The following ENPP3 variants were observed in gnomAD, a reference collection of about 807,000 sequenced individuals.
ENPP3 encodes ectonucleotide pyrophosphatase/phosphodiesterase 3.
In ENPP3, 104 loss-of-function variants were observed where a neutral mutation model predicts 117.8. That is an observed-to-expected ratio of 0.88 (90% CI 0.75 to 1.04). ENPP3 has a LOEUF of 1.04. Among genes scored for constraint, ENPP3 ranks in the 50% least tolerant of loss-of-function variants. The pLI, the probability that ENPP3 is intolerant of heterozygous loss-of-function variation, is 0.00. For missense variants in ENPP3, 1,026 were observed against 1,051.9 expected (o/e 0.98, Z 0.34); for synonymous variants, 380 against 349.9 (o/e 1.09, Z -0.96).
At chr6:131,668,343 G>T (rs1366403101) in intron 6 of ENPP3, among the ~76,000 whole-genome samples, 1 of 150,964 alleles carries the variant, frequency 6.6e-6, no homozygotes, top group Non-Finnish European at 1.5e-5. Context: ...CCCCCCTGAG[G>T]ATCTGGGATT....
At position 131,674,154 on chromosome 6, in the gene ENPP3, C is replaced by T; in HGVS notation, c.643-8C>T. 6.7e-7 allele frequency: 1 copy of T among 1,482,618 alleles called. No individual in the cohort carries two copies. Among genetic ancestry groups the T allele is most frequent in the Admixed American group, 1.8e-5 (1 of 54,990 alleles). The allele number at this position is 1,482,618 out of a possible 1,614,324, so 91.8% of individuals were successfully genotyped here. On this transcript the variant is annotated splice_region_variant and splice_polypyrimidine_tract_variant and intron_variant, in intron 7 of 24. Coordinates refer to ENST00000357639, the MANE Select transcript of ENPP3 (RefSeq NM_005021.5). ...TATCTTACATCTTTTTTGAAATTAT[C>T]ATTTTAGGGCTTGTATCCAGAGTCA...
At chr6:131,668,700 C>T (rs985124837) in intron 6 of ENPP3, among the ~76,000 whole-genome samples, 6 of 152,034 alleles carry the variant, frequency 3.9e-5, no homozygotes, top group African/African-American at 9.7e-5. Flanking sequence ...AAAATACACA[C>T]GTAAACATTT....
chr6:131,690,794 T>C (rs1286155580), intron 14 of ENPP3, among the ~76,000 whole-genome samples: 2 of 151,948 alleles, frequency 1.3e-5, no homozygotes, highest in Non-Finnish European at 2.9e-5. Context: ...CCTTCTAGTA[T>C]GCCGATCTTG....
intron 21 of ENPP3, among the ~76,000 whole-genome samples, chr6:131,734,149 A>G (rs1048369716): frequency 6.6e-6 from 1 of 152,288 alleles, no homozygotes; most frequent in East Asian, 1.9e-4. Flanking sequence ...GATACAGAGA[A>G]GGTCACCTAG....
chr6:131,644,922 A>C (rs1778124003), intron 2 of ENPP3, among the ~76,000 whole-genome samples: 1 of 152,226 alleles, frequency 6.6e-6, no homozygotes. Flanking sequence ...AGGTTTTATA[A>C]GGGGAGAGTG....
intron 9 of ENPP3, among the ~76,000 whole-genome samples, chr6:131,676,154 CTCTGTTGAA>C (rs1236951082): frequency 6.6e-6 from 1 of 152,032 alleles, no homozygotes; most frequent in Non-Finnish European, 1.5e-5. Flanking sequence ...TGCCTTCCAG[CTCTGTTGAA>C]AAATTACCTT....
chr6:131,685,435 A>C lies in ENPP3; in HGVS notation c.1192A>C (p.Met398Leu). 1.9e-6 allele frequency: 3 copies of C among 1,613,962 alleles called. No individual in the cohort carries two copies. The highest frequency in any genetic ancestry group is 2.5e-6 in the Non-Finnish European group (3 of 1,179,830). The part of the protein sequence containing the change: ...DYFPRINFFY[M>L]YEGPAPRIRA... ...TTTTCCCAGAATAAACTTCTTCTAC[A>C]TGTACGAAGGGCCTGCCCCCCGCAT... The change falls in exon 13 of 25, where the codon ATG becomes CTG. Residue 398 changes from methionine (M) to leucine (L), a missense_variant. Transcript: ENST00000357639.
At chr6:131,731,356 A>G (rs958016559) in intron 20 of ENPP3, among the ~76,000 whole-genome samples, 6 of 152,188 alleles carry the variant, frequency 3.9e-5, no homozygotes, top group Non-Finnish European at 7.3e-5. Context: ...TTTGTTGAGG[A>G]CTCCAAACTG....
chr6:131,638,203 T>C (rs1027124334), intron 1 of ENPP3, among the ~76,000 whole-genome samples: 20 of 152,252 alleles, frequency 1.3e-4, no homozygotes, highest in Admixed American at 9.8e-4. Context: ...CTTCATCCAC[T>C]TGAGTGTTCA....
chr6:131,679,136 C>G (rs532741419), intron 11 of ENPP3, among the ~76,000 whole-genome samples: 1 of 148,128 alleles, frequency 6.8e-6, no homozygotes, highest in Non-Finnish European at 1.5e-5. Context: ...GCTCTGTCAC[C>G]CAGGCTGGAA....
At position 131,679,120 on chromosome 6, in the gene ENPP3, A is replaced by G. The variant is rs1283008598; in HGVS notation, c.1011+1180A>G. On this transcript the variant is annotated intron_variant, in intron 11 of 24. Coordinates refer to ENST00000357639, the MANE Select transcript of ENPP3 (RefSeq NM_005021.5). Reference sequence around the variant, plus strand: ...TTCTTTCTTTCCTTTTTTGAGATGGAGTCTTGCTCTGTCACCCAGGCTGGA... The same window carrying G: ...TTCTTTCTTTCCTTTTTTGAGATGGGGTCTTGCTCTGTCACCCAGGCTGGA... Among the ~76,000 whole-genome samples the G allele has an allele frequency of 3.1e-5, 4 of 128,066 alleles. 1 individual carries two copies. The highest frequency in any genetic ancestry group is 6.4e-5 in the Non-Finnish European group (4 of 62,078). 84.0% of individuals were successfully genotyped at this position (128,066 alleles called of 152,430 possible). A position where few individuals can be genotyped will look rare whatever the true frequency, so the allele number is the denominator to read the frequency against.
rs1407468613 is a variant in ENPP3 at position 131,710,932 on chromosome 6, C to A, written c.1413-7740C>A. The stretch of plus-strand genomic sequence containing the variant: ...ATAAGGATTCTCATCTGGTCTCATA[C>A]TCTCAGGTAGTGCTGCCACAACTCT... On this transcript the variant is annotated intron_variant, in intron 15 of 24. Coordinates refer to ENST00000357639, the MANE Select transcript of ENPP3 (RefSeq NM_005021.5). 33 of 1,587,916 alleles carry A rather than the reference C, an allele frequency of 2.1e-5. 3 individuals carry two copies. The East Asian group carries it at 7.5e-4, about 36-fold the overall frequency.
At chr6:131,691,727 T>C (rs1481237883) in intron 14 of ENPP3, among the ~76,000 whole-genome samples, 1 of 152,140 alleles carries the variant, frequency 6.6e-6, no homozygotes, top group African/African-American at 2.4e-5. Flanking sequence ...TTCTCTGGAT[T>C]TACTCTGGCT....
chr6:131,663,233 A>G (rs1380075997), intron 6 of ENPP3, among the ~76,000 whole-genome samples: 1 of 151,140 alleles, frequency 6.6e-6, no homozygotes, highest in Non-Finnish European at 1.5e-5. Context: ...AGGTGGAAAA[A>G]TTTTCACCAT....
At chr6:131,665,378 C>T (rs908406086) in intron 6 of ENPP3, among the ~76,000 whole-genome samples, 11 of 152,048 alleles carry the variant, frequency 7.2e-5, no homozygotes, top group African/African-American at 2.2e-4. Flanking sequence ...TGGTCCTGGT[C>T]TTTTTCTTGG....
intron 20 of ENPP3, among the ~76,000 whole-genome samples, chr6:131,731,332 A>C (rs1198208544): frequency 6.6e-6 from 1 of 152,192 alleles, no homozygotes; most frequent in Non-Finnish European, 1.5e-5. Context: ...TTGATCAGGA[A>C]GAGAACCAGC....
At chr6:131,658,011 C>T (rs923439075) in intron 5 of ENPP3, among the ~76,000 whole-genome samples, 2 of 151,692 alleles carry the variant, frequency 1.3e-5, no homozygotes, top group African/African-American at 2.4e-5. Context: ...AAAATTTATC[C>T]GGTTGTGGTG....
chr6:131,668,163 G>A, intron 6 of ENPP3, among the ~76,000 whole-genome samples: 1 of 149,978 alleles, frequency 6.7e-6, no homozygotes, highest in Non-Finnish European at 1.5e-5. Flanking sequence ...AATTTCATAA[G>A]GACTACATTG....
chr6:131,738,089 A>T lies in ENPP3; in HGVS notation c.2226A>T (p.Gly742=). Residue 742 remains glycine (G), a synonymous_variant, in exon 23 of 25, where the codon GGA becomes GGT. Transcript: ENST00000357639. ...LLIKHATERN[G]VNVVSGPIFD... is the part of the protein sequence containing the mutation. ...TAAAACATGCCACAGAAAGAAATGG[A>T]GTAAATGTGGTTAGTGGACCAATAT... is the stretch of plus-strand genomic sequence containing the variant. 6.2e-7 allele frequency: 1 copy of T among 1,605,276 alleles called. No homozygotes were observed. Among genetic ancestry groups the T allele is most frequent in the Non-Finnish European group, 8.5e-7 (1 of 1,172,918 alleles).
Sources: gnomAD v4.1 joint callset for allele counts (sites outside exome capture counted in the v4.1 genomes callset) on GRCh38, gnomAD v4.1.1 for gene constraint, MANE v1.5 for transcripts, NCBI Gene and HGNC (gene_info 2026-07-23, HGNC 2026-07-21) for gene names.